MDH2: variants seen among roughly 807,000 people sequenced by gnomAD.
MDH2 encodes malate dehydrogenase, mitochondrial.
In MDH2, 25 loss-of-function variants were observed where a neutral mutation model predicts 33.6. The observed-to-expected ratio is 0.74, with a 90% CI of 0.54 to 1.04. The LOEUF (loss-of-function observed/expected upper bound fraction) is 1.04. Among genes scored for constraint, MDH2 ranks in the 50% least tolerant of loss-of-function variants. The probability of loss-of-function intolerance (pLI) is 0.00; values close to 1 mark genes in which losing one functional copy is unlikely to be tolerated. For synonymous variants in MDH2, 193 were observed against 188.7 expected (o/e 1.02, Z -0.19); for missense variants, 432 against 445.0 (o/e 0.97, Z 0.26).
chr7:76,064,574 CCT>C, intron 7 of MDH2, 136 bp downstream of exon 7: 1 of 967,594 alleles, frequency 1.0e-6, no homozygotes, highest in Non-Finnish European at 1.5e-6. Context: ...GTGGAAAATC[CCT>C]GTGTGAGAGG....
intron 1 of MDH2, among the ~76,000 whole-genome samples, chr7:76,052,111 G>T (rs150717751): frequency 6.6e-6 from 1 of 152,264 alleles, no homozygotes; most frequent in Admixed American, 6.5e-5. Context: ...ATGTACACAT[G>T]GGACCCATCC....
chr7:76,056,315 T>A (rs1797781233), intron 2 of MDH2, among the ~76,000 whole-genome samples: 1 of 152,230 alleles, frequency 6.6e-6, no homozygotes, highest in African/African-American at 2.4e-5. Flanking sequence ...TAGGTATGAA[T>A]ATTTCAAAGC....
intron 2 of MDH2, 49 bp downstream of exon 2, chr7:76,055,047 C>A: frequency 6.5e-7 from 1 of 1,544,592 alleles, no homozygotes; most frequent in Non-Finnish European, 8.7e-7. Context: ...CCCAGTAGGC[C>A]AGGATTCGAG....
chr7:76,049,846 T>C (rs1446084144), intron 1 of MDH2, among the ~76,000 whole-genome samples: 1 of 152,170 alleles, frequency 6.6e-6, no homozygotes, highest in Non-Finnish European at 1.5e-5. Flanking sequence ...TTATTTACTT[T>C]TTTTGATGCA....
At chr7:76,049,472 T>TTTC (rs1797527391) in intron 1 of MDH2, among the ~76,000 whole-genome samples, 1 of 151,726 alleles carries the variant, frequency 6.6e-6, no homozygotes, top group Non-Finnish European at 1.5e-5. Context: ...TTAGGACAGG[T>TTTC]GGAAGCGATG....
intron 6 of MDH2, 78 bp downstream of exon 6, chr7:76,063,670 A>G: frequency 7.1e-7 from 1 of 1,414,796 alleles, no homozygotes; most frequent in Non-Finnish European, 1.0e-6. Context: ...TGATCCCGGT[A>G]GACTGGAGAA....
chr7:76,059,248 T>TA (rs1797873959), intron 4 of MDH2, among the ~76,000 whole-genome samples: 1 of 152,192 alleles, frequency 6.6e-6, no homozygotes, highest in Non-Finnish European at 1.5e-5. Context: ...CCAGCCAGTT[T>TA]AAAACCCATG....
chr7:76,063,874 C>T (rs1798020212), intron 6 of MDH2, among the ~76,000 whole-genome samples: 1 of 152,076 alleles, frequency 6.6e-6, no homozygotes, highest in South Asian at 2.1e-4. Context: ...GTGCTTTTTT[C>T]AAAAATGAGT....
intron 1 of MDH2, among the ~76,000 whole-genome samples, chr7:76,049,939 C>T (rs1554585148): frequency 6.6e-6 from 1 of 152,156 alleles, no homozygotes; most frequent in Non-Finnish European, 1.5e-5. Context: ...TGGAGCGATT[C>T]TCCTGCCTCA....
chr7:76,066,564 C>A lies in MDH2; in HGVS notation c.*154C>A. The A allele has an allele frequency of 1.1e-6, 1 of 918,488 alleles. No individual in the cohort carries two copies. The highest frequency in any genetic ancestry group is 1.5e-6 in the Non-Finnish European group (1 of 663,792). The allele number at this position is 918,488 out of a possible 1,614,324, so 56.9% of individuals were successfully genotyped here. A position where few individuals can be genotyped will look rare whatever the true frequency, so the allele number is the denominator to read the frequency against. On this transcript the variant is annotated 3_prime_UTR_variant, in exon 9 of 9. Transcript: ENST00000315758. ...CAAATTGTGGGTGGCTCTGTGGGCG[C>A]ATCAATAAAAGCCGTCCTTGATTTT... is the stretch of plus-strand genomic sequence containing the variant.
At chr7:76,048,685 A>G (rs1554584688) in intron 1 of MDH2, 6 of 1,245,386 alleles carry the variant, frequency 4.8e-6, no homozygotes, top group East Asian at 6.3e-5. Context: ...AACCGAGGCT[A>G]GAGAACTGGG....
At chr7:76,066,134 G>GCTCAGCAAGGCGTC (rs1554587834) in intron 8 of MDH2, 145 bp from the exon 9 acceptor site, 1 of 971,360 alleles carries the variant, frequency 1.0e-6, no homozygotes, top group Non-Finnish European at 1.5e-6. Flanking sequence ...CCACCCACCT[G>GCTCAGCAAGGCGTC]CTCAGCAAGG....
rs1309774317 is a variant in MDH2 at position 76,055,121 on chromosome 7, T to C, written c.235+123T>C. On this transcript the variant is annotated intron_variant, in intron 2 of 8. Transcript: ENST00000315758. ...GACGGGGGTTTCTCTGTTTTAAATT[T>C]AAATTTTACAAGTGATTACACCCTT... 6.9e-6 allele frequency: 8 copies of C among 1,165,814 alleles called. No individual in the cohort carries two copies. In the African/African-American group the frequency reaches 1.3e-4, roughly 18 times the overall value. 72.2% of individuals were successfully genotyped at this position (1,165,814 alleles called of 1,614,324 possible). A position where few individuals can be genotyped will look rare whatever the true frequency, so the allele number is the denominator to read the frequency against.
At position 76,048,137 on chromosome 7, in the gene MDH2, G is replaced by A. The variant is rs559824036; in HGVS notation, c.-24G>A. On this transcript the variant is annotated 5_prime_UTR_variant, in exon 1 of 9. Coordinates refer to ENST00000315758, the MANE Select transcript of MDH2 (RefSeq NM_005918.4). ...CCGTCACCAGCTCCTGTGCCTGCCAGTCGGTGCCCCTCCCGCTCCAGCCAT... is the reference window on the plus strand; with the variant it reads ...CCGTCACCAGCTCCTGTGCCTGCCAATCGGTGCCCCTCCCGCTCCAGCCAT... The A allele has an allele frequency of 6.5e-7, 1 of 1,536,432 alleles. No homozygotes were observed.
chr7:76,063,673 C>A, intron 6 of MDH2, 81 bp downstream of exon 6: 1 of 1,402,314 alleles, frequency 7.1e-7, no homozygotes, highest in Non-Finnish European at 1.0e-6. Flanking sequence ...TCCCGGTAGA[C>A]TGGAGAAGGC....
At position 76,067,356 on chromosome 7, in the gene MDH2, T is replaced by C. The variant is rs569003236; in HGVS notation, c.*946T>C. ...TGCCCAGTACTTGGATGTTCATCTG[T>C]CCACAACAGCTTTTTGTTTTTTTAA... On this transcript the variant is annotated 3_prime_UTR_variant, in exon 9 of 9. Coordinates refer to ENST00000315758, the MANE Select transcript of MDH2 (RefSeq NM_005918.4). 1 of 152,184 alleles carries C rather than the reference T, an allele frequency of 6.6e-6. No individual in the cohort carries two copies. Among genetic ancestry groups the C allele is most frequent in the African/African-American group, 2.4e-5 (1 of 41,442 alleles). 9.4% of individuals were successfully genotyped at this position (152,184 alleles called of 1,614,324 possible). A position where few individuals can be genotyped will look rare whatever the true frequency, so the allele number is the denominator to read the frequency against.
In MDH2 at chr7:76,060,408, C is replaced by T; in HGVS notation, c.465C>T (p.Phe155=). The stretch of plus-strand genomic sequence containing the variant: ...CCATCCCCATCACAGCAGAAGTTTT[C>T]AAGAAGCATGGAGTGTACAACCCCA... ...NSTIPITAEV[F]KKHGVYNPNK... The change falls in exon 5 of 9, where the codon TTC becomes TTT. Residue 155 remains phenylalanine, a synonymous_variant. Coordinates refer to ENST00000315758, the MANE Select transcript of MDH2 (RefSeq NM_005918.4). 6.2e-7 allele frequency: 1 copy of T among 1,614,142 alleles called. No individual in the cohort carries two copies. Among genetic ancestry groups the T allele is most frequent in the Admixed American group, 1.7e-5 (1 of 60,022 alleles).
intron 4 of MDH2, 42 bp from the exon 5 acceptor site, chr7:76,060,331 C>A: frequency 6.2e-7 from 1 of 1,608,936 alleles, no homozygotes; most frequent in Non-Finnish European, 8.5e-7. Context: ...GCCCTGCTCT[C>A]GGAACCCAGG....
chr7:76,049,274 G>A (rs993349730), intron 1 of MDH2, among the ~76,000 whole-genome samples: 2 of 152,092 alleles, frequency 1.3e-5, no homozygotes, highest in Non-Finnish European at 2.9e-5. Context: ...CTTGCAATGG[G>A]TTCCCACAGG....
Sources: allele counts gnomAD v4.1 joint callset (sites outside exome capture counted in the v4.1 genomes callset), GRCh38; gene constraint gnomAD v4.1.1; transcripts MANE v1.5; gene names NCBI Gene and HGNC (gene_info 2026-07-23, HGNC 2026-07-21).